PDZRN4: variants seen among roughly 807,000 people sequenced by gnomAD.
The protein encoded by PDZRN4 is PDZ domain-containing RING finger protein 4.
PDZRN4 carries 70 observed loss-of-function variants against 99.0 expected under a neutral mutation model. The observed-to-expected ratio is 0.71, with a 90% CI of 0.58 to 0.86. The LOEUF (loss-of-function observed/expected upper bound fraction) is 0.86. Among genes scored for constraint, PDZRN4 ranks in the 40% least tolerant of loss-of-function variants. The probability of loss-of-function intolerance (pLI) is 0.00; values close to 1 mark genes in which losing one functional copy is unlikely to be tolerated. For missense variants in PDZRN4, 1,474 were observed against 1,331.2 expected (o/e 1.11, Z -1.67); for synonymous variants, 551 against 501.6 (o/e 1.10, Z -1.32).
intron 5 of PDZRN4, among the ~76,000 whole-genome samples, chr12:41,544,233 C>T (rs1938910340): frequency 6.6e-6 from 1 of 152,146 alleles, no homozygotes; most frequent in African/African-American, 2.4e-5. Context: ...TGAGTAACTT[C>T]ATAGATAATT....
rs988649926 is a variant in PDZRN4 at position 41,338,039 on chromosome 12, G to A, written c.843+143851G>A. 6.6e-5 allele frequency among the ~76,000 whole-genome samples: 10 copies of A among 152,168 alleles called. 2 individuals are homozygous for A. Among genetic ancestry groups the A allele is most frequent in the African/African-American group, 7.2e-5 (3 of 41,534 alleles). ...CTTCTAAGCAGCTGGGACTACATGT[G>A]CATGCCACTGTGCCCAACCCCTATG... On this transcript the variant is annotated intron_variant, in intron 3 of 9. Transcript: ENST00000402685.
chr12:41,404,676 G>A (rs148529749), intron 3 of PDZRN4, among the ~76,000 whole-genome samples: 2,275 of 150,704 alleles, frequency 0.015, 21 homozygotes, highest in African/African-American at 0.021. Context: ...AATTCATACC[G>A]AACTGAAAAA....
intron 3 of PDZRN4, among the ~76,000 whole-genome samples, chr12:41,466,001 CTGA>C: frequency 6.6e-6 from 1 of 152,230 alleles, no homozygotes; most frequent in East Asian, 1.9e-4. Context: ...TATTAAGTAT[CTGA>C]TAATACTATC....
intron 3 of PDZRN4, among the ~76,000 whole-genome samples, chr12:41,444,576 G>T (rs2120479114): frequency 6.6e-6 from 1 of 152,256 alleles, no homozygotes; most frequent in East Asian, 1.9e-4. Flanking sequence ...GTGCAGAAAT[G>T]TGGAAAAATA....
chr12:41,489,676 T>G (rs1158037928), intron 3 of PDZRN4, among the ~76,000 whole-genome samples: 1 of 33,446 alleles, frequency 3.0e-5, no homozygotes, highest in African/African-American at 2.3e-4. Flanking sequence ...ATTTCCAGGT[T>G]TTTTTTTTTT....
chr12:41,293,252 G>A (rs1404724172), intron 3 of PDZRN4, among the ~76,000 whole-genome samples: 2 of 144,334 alleles, frequency 1.4e-5, no homozygotes, highest in African/African-American at 5.1e-5. Context: ...GTGGGTAGAG[G>A]ACACGTAATT....
intron 3 of PDZRN4, among the ~76,000 whole-genome samples, chr12:41,331,894 G>A (rs1240190884): frequency 6.6e-6 from 1 of 152,114 alleles, no homozygotes; most frequent in Admixed American, 6.6e-5. Flanking sequence ...AATTCAATGT[G>A]AGATTTGGGT....
chr12:41,459,176 A>G lies in PDZRN4; in HGVS notation c.844-47280A>G, dbSNP rs112003835. Among the ~76,000 whole-genome samples the G allele has an allele frequency of 7.5e-3, 1,143 of 152,340 alleles. 18 individuals carry two copies. The highest frequency in any genetic ancestry group is 0.025 in the African/African-American group (1,039 of 41,582). ...TAATGTCAGCACATTCCAGGTTGAT[A>G]GGAAGGTGATTTGTCTGTATTTATT... is the stretch of plus-strand genomic sequence containing the variant. On this transcript the variant is annotated intron_variant, in intron 3 of 9. Transcript: ENST00000402685.
chr12:41,486,427 G>A (rs146340011), intron 3 of PDZRN4, among the ~76,000 whole-genome samples: 4 of 152,198 alleles, frequency 2.6e-5, no homozygotes, highest in African/African-American at 9.6e-5. Context: ...AAAAATAGGC[G>A]AAGTAATAAT....
At chr12:41,453,805 A>G (rs1201066714) in intron 3 of PDZRN4, among the ~76,000 whole-genome samples, 4 of 151,930 alleles carry the variant, frequency 2.6e-5, no homozygotes, top group African/African-American at 9.7e-5. Context: ...TACCAACAAG[A>G]GATTTAGAGT....
chr12:41,427,916 T>C (rs904057621), intron 3 of PDZRN4, among the ~76,000 whole-genome samples: 10 of 152,044 alleles, frequency 6.6e-5, no homozygotes, highest in African/African-American at 1.9e-4. Flanking sequence ...GGTGAAACCC[T>C]GTCTCTACTA....
intron 3 of PDZRN4, among the ~76,000 whole-genome samples, chr12:41,341,607 A>C (rs1690629338): frequency 6.6e-6 from 1 of 151,454 alleles, no homozygotes; most frequent in Non-Finnish European, 1.5e-5. Flanking sequence ...AATAGCTAGC[A>C]AAAAAAATAG....
intron 3 of PDZRN4, among the ~76,000 whole-genome samples, chr12:41,484,825 T>C (rs943124262): frequency 6.6e-6 from 1 of 152,116 alleles, no homozygotes. Context: ...GTTGACGTTT[T>C]CCCTCATTAC....
At chr12:41,356,298 T>C (rs1039526771) in intron 3 of PDZRN4, among the ~76,000 whole-genome samples, 1 of 152,042 alleles carries the variant, frequency 6.6e-6, no homozygotes, top group African/African-American at 2.4e-5. Context: ...ATTAGAAAAC[T>C]GATTAAAACA....
At chr12:41,551,291 T>C (rs1347823948) in intron 5 of PDZRN4, among the ~76,000 whole-genome samples, 1 of 152,092 alleles carries the variant, frequency 6.6e-6, no homozygotes, top group Non-Finnish European at 1.5e-5. Context: ...TCAGCAGTTC[T>C]TACGACCTAC....
At chr12:41,430,672 GCAAA>G (rs531925975) in intron 3 of PDZRN4, among the ~76,000 whole-genome samples, 218 of 152,170 alleles carry the variant, frequency 1.4e-3, no homozygotes, top group South Asian at 2.5e-3. Flanking sequence ...GTGTACAATG[GCAAA>G]CAAGGTGAAC....
At chr12:41,263,267 A>G (rs916423398) in intron 3 of PDZRN4, among the ~76,000 whole-genome samples, 1 of 152,132 alleles carries the variant, frequency 6.6e-6, no homozygotes, top group East Asian at 1.9e-4. Flanking sequence ...AAGAAAATGA[A>G]AATAGTTGGG....
chr12:41,319,316 C>T (rs1283592253), intron 3 of PDZRN4, among the ~76,000 whole-genome samples: 1 of 152,036 alleles, frequency 6.6e-6, no homozygotes. Flanking sequence ...TGATGAATGC[C>T]CTGGGTACTG....
rs565050906 is a variant in PDZRN4 at position 41,280,643 on chromosome 12, T to C, written c.843+86455T>C. Among the ~76,000 whole-genome samples, 5 of 152,286 alleles carry C rather than the reference T, an allele frequency of 3.3e-5. No homozygotes were observed. In the East Asian group the frequency reaches 9.7e-4, roughly 29 times the overall value. Reference sequence around the variant, plus strand: ...CCACCGCAGCTCAGCAAAGCCACTGTAGCGAGACTGCCTCTCTAGAGTCCT... The same window carrying C: ...CCACCGCAGCTCAGCAAAGCCACTGCAGCGAGACTGCCTCTCTAGAGTCCT... On this transcript the variant is annotated intron_variant, in intron 3 of 9. Transcript: ENST00000402685.
Sources: gnomAD v4.1 joint callset for allele counts (sites outside exome capture counted in the v4.1 genomes callset) on GRCh38, gnomAD v4.1.1 for gene constraint, MANE v1.5 for transcripts, NCBI Gene and HGNC (gene_info 2026-07-23, HGNC 2026-07-21) for gene names.